The following CHRM3 variants were observed in gnomAD, a reference collection of about 807,000 sequenced individuals.
CHRM3 encodes cholinergic receptor muscarinic 3, also known as muscarinic acetylcholine receptor M3.
In CHRM3, 11 loss-of-function variants were observed where a neutral mutation model predicts 41.8. That is an observed-to-expected ratio of 0.26 (90% confidence interval 0.17 to 0.44). The LOEUF is 0.44. CHRM3 is among the 20% of genes least tolerant of loss of function. The pLI is 1.00. For missense variants in CHRM3, 571 were observed against 745.4 expected, an observed-to-expected ratio of 0.77 and a Z score of 2.72; for synonymous variants, 297 against 301.4, an observed-to-expected ratio of 0.99 and a Z score of 0.15.
intron 1 of CHRM3, among the ~76,000 whole-genome samples, chr1:239,491,289 T>G (rs1378751428): frequency 1.3e-5 from 2 of 152,232 alleles, no homozygotes. Context: ...TAGAACTTAT[T>G]CTTCCTATCT....
At chr1:239,819,920 T>C (rs559006765) in intron 5 of CHRM3, among the ~76,000 whole-genome samples, 1 of 152,226 alleles carries the variant, frequency 6.6e-6, no homozygotes, top group African/African-American at 2.4e-5. Flanking sequence ...TCCCTGACCA[T>C]GATTTCTAGA....
chr1:239,906,827 C>T (rs1558229225), intron 6 of CHRM3, among the ~76,000 whole-genome samples: 1 of 152,220 alleles, frequency 6.6e-6, no homozygotes, highest in East Asian at 1.9e-4. Context: ...AGGAGATAGT[C>T]GTGTTACCAG....
chr1:239,562,312 C>T (rs574592507), intron 3 of CHRM3, among the ~76,000 whole-genome samples: 1 of 152,202 alleles, frequency 6.6e-6, no homozygotes, highest in African/African-American at 2.4e-5. Flanking sequence ...CTCATAACAA[C>T]TTTACAAAAT....
rs1248747059 is a variant in CHRM3 at position 239,631,257 on chromosome 1, T to C, written c.-312-967T>C. 2.0e-5 allele frequency among the ~76,000 whole-genome samples: 3 copies of C among 152,216 alleles called. No homozygotes were observed. The East Asian group carries it at 5.8e-4, about 29-fold the overall frequency. On this transcript the variant is annotated intron_variant, in intron 3 of 6. Transcript: ENST00000676153. The stretch of plus-strand genomic sequence containing the variant: ...AAAACTCTCTCGAAGTTTGCTCTCC[T>C]TCTCTGTGCTGATCTTGTCACAGAT...
At chr1:239,838,716 G>A (rs528704721) in intron 6 of CHRM3, among the ~76,000 whole-genome samples, 4 of 152,272 alleles carry the variant, frequency 2.6e-5, no homozygotes, top group African/African-American at 9.6e-5. Flanking sequence ...CCATGATATG[G>A]CAGGGTCCTC....
intron 5 of CHRM3, among the ~76,000 whole-genome samples, chr1:239,809,783 G>C (rs1031053548): frequency 6.6e-6 from 1 of 152,170 alleles, no homozygotes; most frequent in Non-Finnish European, 1.5e-5. Context: ...ACAGGCGTGA[G>C]CCACCATGCC....
intron 6 of CHRM3, among the ~76,000 whole-genome samples, chr1:239,859,819 TTATATATATATATATATA>T (rs55700294): frequency 1.7e-4 from 22 of 131,420 alleles, no homozygotes; most frequent in Non-Finnish European, 2.9e-4. Flanking sequence ...TCTAAGTGTT[TTATATATATATATATATA>T]TATATATATA....
intron 3 of CHRM3, among the ~76,000 whole-genome samples, chr1:239,552,983 A>G (rs1660012591): frequency 6.6e-6 from 1 of 152,096 alleles, no homozygotes; most frequent in South Asian, 2.1e-4. Flanking sequence ...AATGGCCACC[A>G]TACCCTCAGC....
intron 1 of CHRM3, among the ~76,000 whole-genome samples, chr1:239,460,698 T>C (rs986358685): frequency 1.3e-5 from 2 of 152,136 alleles, no homozygotes; most frequent in Admixed American, 6.5e-5. Flanking sequence ...GAAATAATGA[T>C]ATAAAAATTA....
At chr1:239,407,059 A>C (rs754144120) in intron 1 of CHRM3, among the ~76,000 whole-genome samples, 5 of 152,094 alleles carry the variant, frequency 3.3e-5, no homozygotes, top group Non-Finnish European at 5.9e-5. Flanking sequence ...CAAGTGAAAA[A>C]CTTCCTGCTG....
chr1:239,885,186 G>T (rs1433989895), intron 6 of CHRM3, among the ~76,000 whole-genome samples: 2 of 152,274 alleles, frequency 1.3e-5, no homozygotes, highest in East Asian at 3.9e-4. Flanking sequence ...GTCTATGATT[G>T]TCTCTTGATT....
At chr1:239,765,776 T>C (rs1667152639) in intron 5 of CHRM3, among the ~76,000 whole-genome samples, 1 of 151,918 alleles carries the variant, frequency 6.6e-6, no homozygotes, top group Non-Finnish European at 1.5e-5. Context: ...AAATTGGCAA[T>C]GAACTAAGTT....
At chr1:239,683,073 C>T (rs1190047679) in intron 5 of CHRM3, among the ~76,000 whole-genome samples, 1 of 152,092 alleles carries the variant, frequency 6.6e-6, no homozygotes, top group Admixed American at 6.6e-5. Context: ...TATAGAACAT[C>T]AAGACTCATT....
At chr1:239,728,955 G>A (rs534453320) in intron 5 of CHRM3, among the ~76,000 whole-genome samples, 3 of 152,000 alleles carry the variant, frequency 2.0e-5, no homozygotes, top group African/African-American at 7.2e-5. Context: ...TTGCCAAGCT[G>A]TGTGTTTTCC....
intron 3 of CHRM3, among the ~76,000 whole-genome samples, chr1:239,621,704 A>G (rs1400194394): frequency 6.6e-6 from 1 of 152,202 alleles, no homozygotes; most frequent in African/African-American, 2.4e-5. Context: ...CTGAGAGAGG[A>G]AAGGAAGCTG....
At chr1:239,595,039 A>G (rs2148658529) in intron 3 of CHRM3, among the ~76,000 whole-genome samples, 1 of 152,368 alleles carries the variant, frequency 6.6e-6, no homozygotes, top group South Asian at 2.1e-4. Context: ...TGGTGAGCCA[A>G]GATTGTGCCA....
chr1:239,762,661 A>G (rs560241365), intron 5 of CHRM3, among the ~76,000 whole-genome samples: 14 of 152,358 alleles, frequency 9.2e-5, no homozygotes, highest in Admixed American at 2.0e-4. Flanking sequence ...AAGAATGTTC[A>G]TTAAATTTGT....
intron 4 of CHRM3, among the ~76,000 whole-genome samples, chr1:239,635,442 T>C (rs1161361247): frequency 6.6e-6 from 1 of 152,252 alleles, no homozygotes; most frequent in East Asian, 1.9e-4. Context: ...TGAATATTTC[T>C]CTTTGTTCTT....
At position 239,742,645 on chromosome 1, in the gene CHRM3, C is replaced by T. The variant is rs143252465; in HGVS notation, c.-147+64357C>T. ...CTCAAGGGGTGAGGAAACAGGCTTGCGTAACAGGAAGAGCAGCAAACAAGT... is the reference window on the plus strand; with the variant it reads ...CTCAAGGGGTGAGGAAACAGGCTTGTGTAACAGGAAGAGCAGCAAACAAGT... On this transcript the variant is annotated intron_variant, in intron 5 of 6. Coordinates refer to ENST00000676153, the MANE Select transcript of CHRM3 (RefSeq NM_001375978.1). Among the ~76,000 whole-genome samples the T allele has an allele frequency of 1.0e-2, 1,515 of 152,172 alleles. 24 individuals carry two copies. Among genetic ancestry groups the T allele is most frequent in the African/African-American group, 0.035 (1,435 of 41,516 alleles).
Sources: allele counts gnomAD v4.1 joint callset (sites outside exome capture counted in the v4.1 genomes callset), GRCh38; gene constraint gnomAD v4.1.1; transcripts MANE v1.5; gene names NCBI Gene and HGNC (gene_info 2026-07-23, HGNC 2026-07-21).